BCAS3: variants seen among roughly 807,000 people sequenced by gnomAD.
BCAS3 encodes BCAS3 microtubule associated cell migration factor, also known as BCAS4/BCAS3 fusion.
BCAS3 carries 53 observed loss-of-function variants against 116.1 expected under a neutral mutation model. The ratio of observed to expected loss-of-function variants is 0.46; its 90% CI spans 0.37 to 0.57. BCAS3 has a LOEUF of 0.57. Ranked by LOEUF, BCAS3 falls within the 20% of genes least tolerant of loss-of-function variation. The pLI is 0.00. For synonymous variants in BCAS3, 391 were observed against 408.2 expected, an observed-to-expected ratio of 0.96 and a Z score of 0.51; for missense variants, 917 against 1,165.4, an observed-to-expected ratio of 0.79 and a Z score of 3.10.
chr17:61,287,351 C>T (rs1212430982), intron 22 of BCAS3, among the ~76,000 whole-genome samples: 1 of 151,984 alleles, frequency 6.6e-6, no homozygotes, highest in African/African-American at 2.4e-5. Context: ...GCGGTAGGGG[C>T]TGTCTTGGGG....
chr17:60,905,843 A>T (rs1157631231), intron 11 of BCAS3, among the ~76,000 whole-genome samples: 1 of 152,170 alleles, frequency 6.6e-6, no homozygotes, highest in Non-Finnish European at 1.5e-5. Flanking sequence ...TTTGATTTAC[A>T]TAGGGTGTAG....
Position 61,056,778 on chromosome 17 carries a change from C to T in BCAS3, c.2029+15886C>T, listed in dbSNP as rs567591310. Among the ~76,000 whole-genome samples, 1 of 152,332 alleles carries T rather than the reference C, an allele frequency of 6.6e-6. No individual in the cohort carries two copies. The highest frequency in any genetic ancestry group is 6.5e-5 in the Admixed American group (1 of 15,304). ...TAAGTGATGTACTACTGCATGCTCT[C>T]AGATATTGAGACACAGAGGTGTTAT... On this transcript the variant is annotated intron_variant, in intron 19 of 23. Coordinates refer to ENST00000407086, the MANE Select transcript of BCAS3 (RefSeq NM_017679.5). The surrounding 1 kb of genome is among the most constrained non-coding windows in gnomAD (Gnocchi z 4.9).
In BCAS3 at chr17:61,227,771, A is replaced by G. The variant is rs1171773900; in HGVS notation, c.2426-140556A>G. On this transcript the variant is annotated intron_variant, in intron 22 of 23. Coordinates refer to ENST00000407086, the MANE Select transcript of BCAS3 (RefSeq NM_017679.5). This position sits in a 1 kb window ranked among gnomAD's most constrained non-coding sequence, Gnocchi z 6.1. Reference sequence around the variant, plus strand: ...AGAAACATAACTTTTTGTGTTATTTATATTTTCTGTAATGATTTTCTGTTG... The same window carrying G: ...AGAAACATAACTTTTTGTGTTATTTGTATTTTCTGTAATGATTTTCTGTTG... 6.6e-6 allele frequency among the ~76,000 whole-genome samples: 1 copy of G among 152,204 alleles called. No homozygotes were observed. The highest frequency in any genetic ancestry group is 2.4e-5 in the African/African-American group (1 of 41,442).
intron 14 of BCAS3, 27 bp downstream of exon 14, chr17:60,947,379 G>T (rs937417747): frequency 6.2e-7 from 1 of 1,601,368 alleles, no homozygotes. Context: ...TTCAGAAGGC[G>T]ATTTCTTGGT....
chr17:61,160,394 G>A lies in BCAS3; in HGVS notation c.2425+75830G>A, dbSNP rs183477213. Among the ~76,000 whole-genome samples, 271 of 151,952 alleles carry A rather than the reference G, an allele frequency of 1.8e-3. 4 individuals carry two copies. The highest frequency in any genetic ancestry group is 5.6e-3 in the African/African-American group (232 of 41,426). ...TTGCCGTGCTGGATGGTTAATATAC[G>A]GAATTTCCGAGCACTGATCTAATAG... On this transcript the variant is annotated intron_variant, in intron 22 of 23. Coordinates refer to ENST00000407086, the MANE Select transcript of BCAS3 (RefSeq NM_017679.5).
chr17:61,118,060 C>T lies in BCAS3; in HGVS notation c.2425+33496C>T, dbSNP rs978533117. Among the ~76,000 whole-genome samples, 3 of 152,016 alleles carry T rather than the reference C, an allele frequency of 2.0e-5. No individual in the cohort carries two copies. Among genetic ancestry groups the T allele is most frequent in the Non-Finnish European group, 4.4e-5 (3 of 68,016 alleles). ...TTCATTTGTTATGATATCTTGCTGG[C>T]TGGAAGTATGTTGAATCATTTTCAG... On this transcript the variant is annotated intron_variant, in intron 22 of 23. Transcript: ENST00000407086. This position sits in a 1 kb window ranked among gnomAD's most constrained non-coding sequence, Gnocchi z 5.0.
In BCAS3 at chr17:61,098,988, G is replaced by A. The variant is rs2074148860; in HGVS notation, c.2425+14424G>A. Among the ~76,000 whole-genome samples, 1 of 152,142 alleles carries A rather than the reference G, an allele frequency of 6.6e-6. No homozygotes were observed. The highest frequency in any genetic ancestry group is 6.5e-5 in the Admixed American group (1 of 15,284). The stretch of plus-strand genomic sequence containing the variant: ...AAATACGAAAAATTAGCCGGGCATG[G>A]TGGCGCACACCTGTAGTCCCAGCTA... On this transcript the variant is annotated intron_variant, in intron 22 of 23. Coordinates refer to ENST00000407086, the MANE Select transcript of BCAS3 (RefSeq NM_017679.5). This position sits in a 1 kb window ranked among gnomAD's most constrained non-coding sequence, Gnocchi z 4.2.
intron 22 of BCAS3, among the ~76,000 whole-genome samples, chr17:61,342,456 T>C (rs2057229744): frequency 6.6e-6 from 1 of 152,074 alleles, no homozygotes; most frequent in Admixed American, 6.5e-5. Context: ...TAGGGCCTGG[T>C]TCTTAAGAAC....
chr17:61,120,077 A>C (rs1303686392), intron 22 of BCAS3, among the ~76,000 whole-genome samples: 1 of 152,144 alleles, frequency 6.6e-6, no homozygotes, highest in Non-Finnish European at 1.5e-5. Context: ...TTAATTCAGA[A>C]CTTTTATGCA....
chr17:61,242,618 T>C (rs983333106), intron 22 of BCAS3, among the ~76,000 whole-genome samples: 6 of 152,164 alleles, frequency 3.9e-5, no homozygotes, highest in African/African-American at 1.4e-4. Flanking sequence ...GGTTAAAATC[T>C]CATAAGATTC....
rs774096577 is a variant in BCAS3 at position 61,249,052 on chromosome 17, G to A, written c.2426-119275G>A. On this transcript the variant is annotated intron_variant, in intron 22 of 23. Coordinates refer to ENST00000407086, the MANE Select transcript of BCAS3 (RefSeq NM_017679.5). The surrounding 1 kb of genome is among the most constrained non-coding windows in gnomAD (Gnocchi z 6.2). ...TGTAATCCCAGAACTTTGGGAGGCC[G>A]AGGCAGGTAGATCCCCTGAGGTGAG... is the stretch of plus-strand genomic sequence containing the variant. Among the ~76,000 whole-genome samples, 1 of 152,130 alleles carries A rather than the reference G, an allele frequency of 6.6e-6. No homozygotes were observed. The highest frequency in any genetic ancestry group is 6.5e-5 in the Admixed American group (1 of 15,290).
intron 22 of BCAS3, among the ~76,000 whole-genome samples, chr17:61,230,838 G>T (rs2082632596): frequency 1.3e-5 from 2 of 152,054 alleles, no homozygotes; most frequent in African/African-American, 4.8e-5. Context: ...TCAAATGGTA[G>T]CTCTGTTTTA....
In BCAS3 at chr17:61,110,861, G is replaced by A. The variant is rs559264630; in HGVS notation, c.2425+26297G>A. On this transcript the variant is annotated intron_variant, in intron 22 of 23. Coordinates refer to ENST00000407086, the MANE Select transcript of BCAS3 (RefSeq NM_017679.5). Reference sequence around the variant, plus strand: ...TGTCCCTGTCTGACAGCTTTGTAGAGAGCAGTGGTTCTCCCAGCACGCAGC... The same window carrying A: ...TGTCCCTGTCTGACAGCTTTGTAGAAAGCAGTGGTTCTCCCAGCACGCAGC... 2.4e-4 allele frequency among the ~76,000 whole-genome samples: 36 copies of A among 152,316 alleles called. No homozygotes were observed. The South Asian group carries it at 7.5e-3, about 32-fold the overall frequency.
intron 10 of BCAS3, among the ~76,000 whole-genome samples, chr17:60,892,966 A>G (rs956867232): frequency 1.3e-5 from 2 of 152,050 alleles, no homozygotes; most frequent in South Asian, 2.1e-4. Flanking sequence ...CTGGCATAAG[A>G]TGGTATCTTG....
Position 61,299,866 on chromosome 17 carries a change from G to A in BCAS3, c.2426-68461G>A, listed in dbSNP as rs540586696. Among the ~76,000 whole-genome samples the A allele has an allele frequency of 3.3e-5, 5 of 152,260 alleles. No homozygotes were observed. In the South Asian group the frequency reaches 6.2e-4, roughly 19 times the overall value. On this transcript the variant is annotated intron_variant, in intron 22 of 23. Transcript: ENST00000407086. Reference sequence around the variant, plus strand: ...GGAGAACTGTATTTTCTACTTTCCTGAATTCTATTATGACAGGTTTTAAAA... The same window carrying A: ...GGAGAACTGTATTTTCTACTTTCCTAAATTCTATTATGACAGGTTTTAAAA...
At chr17:60,970,838 G>C (rs1257438211) in intron 14 of BCAS3, among the ~76,000 whole-genome samples, 2 of 152,106 alleles carry the variant, frequency 1.3e-5, no homozygotes, top group Non-Finnish European at 2.9e-5. Context: ...TGATAGAATA[G>C]AGAAAAAAGA....
rs566051860 is a variant in BCAS3, at chr17:61,231,114, A to G, written c.2426-137213A>G. Among the ~76,000 whole-genome samples the G allele has an allele frequency of 3.7e-3, 563 of 152,028 alleles. 4 individuals are homozygous for G. The highest frequency in any genetic ancestry group is 0.013 in the African/African-American group (533 of 41,506). On this transcript the variant is annotated intron_variant, in intron 22 of 23. Transcript: ENST00000407086. Reference sequence around the variant, plus strand: ...CTGCTGTACCTGACCTGACTTTTTAATAATAGCCGTTCTGACTGGTGTGAG... The same window carrying G: ...CTGCTGTACCTGACCTGACTTTTTAGTAATAGCCGTTCTGACTGGTGTGAG...
At chr17:60,924,939 A>G (rs1420412392) in intron 13 of BCAS3, among the ~76,000 whole-genome samples, 1 of 150,948 alleles carries the variant, frequency 6.6e-6, no homozygotes, top group African/African-American at 2.4e-5. Context: ...TTTCTTCTTA[A>G]GGTTTACTCC....
Position 61,355,291 on chromosome 17 carries a change from AG to A in BCAS3, c.2426-13034del, listed in dbSNP as rs952512358. On this transcript the variant is annotated intron_variant, in intron 22 of 23. Coordinates refer to ENST00000407086, the MANE Select transcript of BCAS3 (RefSeq NM_017679.5). The surrounding 1 kb of genome is among the most constrained non-coding windows in gnomAD (Gnocchi z 4.2). ...TAAAAACAGAAGACTTCTTGGCCCC[AG>A]GTTTCAGACTTCAAAGTTCTCAGTT... 1 of 152,228 alleles carries A rather than the reference AG, an allele frequency of 6.6e-6. No individual in the cohort carries two copies. The highest frequency in any genetic ancestry group is 2.4e-5 in the African/African-American group (1 of 41,464). 9.4% of individuals were successfully genotyped at this position (152,228 alleles called of 1,614,324 possible). A position where few individuals can be genotyped will look rare whatever the true frequency, so the allele number is the denominator to read the frequency against.
Sources: allele counts gnomAD v4.1 joint callset (sites outside exome capture counted in the v4.1 genomes callset), GRCh38; gene constraint gnomAD v4.1.1; non-coding constraint Gnocchi (gnomAD v3.1); transcripts MANE v1.5; gene names NCBI Gene and HGNC (gene_info 2026-07-23, HGNC 2026-07-21).